MTUS2: variants seen among roughly 807,000 people sequenced by gnomAD.
The protein encoded by MTUS2 is microtubule associated scaffold protein 2.
A neutral mutation model predicts 114.1 loss-of-function variants in MTUS2; 40 were observed. The observed-to-expected ratio is 0.35, with a 90% CI of 0.27 to 0.46. The LOEUF is 0.46. MTUS2 is among the 20% of genes least tolerant of loss of function. MTUS2 has a pLI of 1.00. For synonymous variants in MTUS2, 688 were observed against 672.0 expected, an observed-to-expected ratio of 1.02 and a Z score of -0.37; for missense variants, 1,679 against 1,705.4, an observed-to-expected ratio of 0.98 and a Z score of 0.27.
At chr13:29,483,327 C>T (rs964444120) in intron 10 of MTUS2, among the ~76,000 whole-genome samples, 2 of 152,246 alleles carry the variant, frequency 1.3e-5, no homozygotes, top group Non-Finnish European at 2.9e-5. Context: ...GGCTGACCTC[C>T]GGCTTTGCAG....
intron 6 of MTUS2, among the ~76,000 whole-genome samples, chr13:29,289,556 G>T (rs904637113): frequency 6.7e-6 from 1 of 148,794 alleles, no homozygotes; most frequent in African/African-American, 2.5e-5. Context: ...TCTGCCTCCC[G>T]GGTTCAAGTG....
chr13:29,026,676 G>T lies in MTUS2; in HGVS notation c.1978G>T (p.Ala660Ser). The change falls in exon 3 of 16, where the codon GCC becomes TCC. Residue 660 changes from alanine to serine, a missense_variant. By Grantham distance (99) the Ala-to-Ser change is moderately conservative. Transcript: ENST00000612955. ...RNPQALGQVDASLVPVGLPYA... is the reference protein window; with the variant it reads ...RNPQALGQVDSSLVPVGLPYA... ...TCCCCAGGCCCTGGGCCAGGTGGAC[G>T]CCTCGCTGGTTCCAGTGGGGCTTCC... The T allele has an allele frequency of 6.2e-7, 1 of 1,613,964 alleles. No individual in the cohort carries two copies. The highest frequency in any genetic ancestry group is 1.1e-5 in the South Asian group (1 of 91,072).
Position 29,033,874 on chromosome 13 carries a change from A to G in MTUS2, c.2206-11A>G. 1 of 1,613,612 alleles carries G rather than the reference A, an allele frequency of 6.2e-7. No individual in the cohort carries two copies. The highest frequency in any genetic ancestry group is 8.5e-7 in the Non-Finnish European group (1 of 1,179,702). ...AAGGTCTCTGATTGAGTTTTTGTTC[A>G]TTTATCATAGGTTACAGACCACCCT... On this transcript the variant is annotated splice_polypyrimidine_tract_variant and intron_variant, in intron 3 of 15. Coordinates refer to ENST00000612955, the MANE Select transcript of MTUS2 (RefSeq NM_001033602.4).
At chr13:29,296,277 AT>A (rs1566115367) in intron 6 of MTUS2, among the ~76,000 whole-genome samples, 1 of 151,990 alleles carries the variant, frequency 6.6e-6, no homozygotes, top group Non-Finnish European at 1.5e-5. Context: ...CAGTGGTGCG[AT>A]TATGGCTCAC....
chr13:28,961,427 C>T (rs1345295823), intron 2 of MTUS2, among the ~76,000 whole-genome samples: 1 of 152,092 alleles, frequency 6.6e-6, no homozygotes, highest in African/African-American at 2.4e-5. Context: ...ATTAGAATGA[C>T]ATTGGATTTC....
chr13:29,383,250 G>GTATATATATATATATATATA (rs763660299), intron 8 of MTUS2, among the ~76,000 whole-genome samples: 1 of 64,390 alleles, frequency 1.6e-5, no homozygotes, highest in African/African-American at 3.5e-5. Flanking sequence ...GTGTGTGTGT[G>GTATATATATATATATATATA]TGTATTTATT....
chr13:29,363,319 AT>A (rs2138250641), intron 8 of MTUS2, among the ~76,000 whole-genome samples: 1 of 152,152 alleles, frequency 6.6e-6, no homozygotes, highest in Admixed American at 6.5e-5. Flanking sequence ...CTTATTCAGT[AT>A]TTTTCATATC....
chr13:28,997,568 G>T (rs1202743784), intron 2 of MTUS2, among the ~76,000 whole-genome samples: 1 of 152,116 alleles, frequency 6.6e-6, no homozygotes, highest in Non-Finnish European at 1.5e-5. Context: ...ATGAATCTGG[G>T]TGCTCCTGTA....
chr13:29,309,958 A>G (rs1899676439), intron 6 of MTUS2, among the ~76,000 whole-genome samples: 1 of 152,110 alleles, frequency 6.6e-6, no homozygotes, highest in South Asian at 2.1e-4. Flanking sequence ...TAAATATACA[A>G]AAAATTATTG....
chr13:29,154,988 G>A (rs757416655), intron 5 of MTUS2, among the ~76,000 whole-genome samples: 10 of 152,146 alleles, frequency 6.6e-5, no homozygotes, highest in Non-Finnish European at 1.3e-4. Context: ...AACTGATGCC[G>A]CCTCGGCTGC....
chr13:29,188,030 C>T (rs1478839692), intron 5 of MTUS2, among the ~76,000 whole-genome samples: 1 of 152,156 alleles, frequency 6.6e-6, no homozygotes, highest in Non-Finnish European at 1.5e-5. Flanking sequence ...CTGTCCATCA[C>T]CTGGAGAATT....
chr13:29,469,093 T>C (rs1053159669), intron 9 of MTUS2, among the ~76,000 whole-genome samples: 2 of 152,204 alleles, frequency 1.3e-5, no homozygotes, highest in Non-Finnish European at 2.9e-5. Flanking sequence ...ACCTCCTCGT[T>C]TGACGGATGA....
At chr13:29,203,148 C>T (rs144107598) in intron 5 of MTUS2, among the ~76,000 whole-genome samples, 8 of 152,316 alleles carry the variant, frequency 5.3e-5, no homozygotes, top group East Asian at 1.9e-4. Context: ...CTCAGGGAGA[C>T]GGGAATTCTA....
intron 8 of MTUS2, among the ~76,000 whole-genome samples, chr13:29,360,432 C>T (rs1870126874): frequency 6.6e-6 from 1 of 152,156 alleles, no homozygotes; most frequent in African/African-American, 2.4e-5. Context: ...GAAGCCTGAG[C>T]TGCTCTTTTT....
chr13:29,264,060 A>G (rs1297894126), intron 5 of MTUS2, among the ~76,000 whole-genome samples: 2 of 152,226 alleles, frequency 1.3e-5, no homozygotes, highest in Non-Finnish European at 2.9e-5. Context: ...TAAAAAACAA[A>G]TTATCGACTT....
chr13:29,170,875 C>T (rs920800220), intron 5 of MTUS2, among the ~76,000 whole-genome samples: 1 of 149,290 alleles, frequency 6.7e-6, no homozygotes, highest in African/African-American at 2.5e-5. Context: ...TACATTTAGA[C>T]ACCATTGATA....
intron 7 of MTUS2, among the ~76,000 whole-genome samples, chr13:29,332,264 G>C (rs370383366): frequency 6.6e-6 from 1 of 152,010 alleles, no homozygotes; most frequent in African/African-American, 2.4e-5. Context: ...TCAGGGATTC[G>C]ACTTCTTCCT....
At chr13:29,328,687 C>T (rs1900634566) in intron 7 of MTUS2, among the ~76,000 whole-genome samples, 1 of 152,152 alleles carries the variant, frequency 6.6e-6, no homozygotes, top group South Asian at 2.1e-4. Flanking sequence ...GTTAATCTCT[C>T]CAGATCTGAG....
At chr13:29,076,194 G>C (rs1263998832) in intron 4 of MTUS2, among the ~76,000 whole-genome samples, 2 of 152,090 alleles carry the variant, frequency 1.3e-5, no homozygotes, top group Non-Finnish European at 2.9e-5. Context: ...AAGTCTCTTT[G>C]AAGCTCCTTA....
Sources: gnomAD v4.1 joint callset for allele counts (sites outside exome capture counted in the v4.1 genomes callset) on GRCh38, gnomAD v4.1.1 for gene constraint, MANE v1.5 for transcripts, NCBI Gene and HGNC (gene_info 2026-07-23, HGNC 2026-07-21) for gene names.